FOXP1: variants seen among roughly 807,000 people sequenced by gnomAD.
The protein encoded by FOXP1 is forkhead box P1.
FOXP1 carries 15 observed loss-of-function variants against 98.2 expected under a neutral mutation model. That is an observed-to-expected ratio of 0.15 (90% confidence interval 0.10 to 0.24). The LOEUF (loss-of-function observed/expected upper bound fraction) is 0.24. FOXP1 is among the 10% of genes least tolerant of loss of function. The pLI is 1.00. For synonymous variants in FOXP1, 371 were observed against 314.5 expected, an observed-to-expected ratio of 1.18 and a Z score of -1.90; for missense variants, 633 against 848.5, an observed-to-expected ratio of 0.75 and a Z score of 3.15.
At chr3:71,569,988 G>A (rs549960006) in intron 2 of FOXP1, among the ~76,000 whole-genome samples, 1 of 152,200 alleles carries the variant, frequency 6.6e-6, no homozygotes, top group East Asian at 1.9e-4. Flanking sequence ...AGCCAGGATA[G>A]GATGGTCTGG....
intron 3 of FOXP1, among the ~76,000 whole-genome samples, chr3:71,449,475 CT>C (rs1211501956): frequency 1.3e-5 from 2 of 152,220 alleles, no homozygotes; most frequent in Non-Finnish European, 2.9e-5. Flanking sequence ...TACAACACAT[CT>C]TTCCTTTAAA....
chr3:71,121,043 CT>C (rs35487973), intron 6 of FOXP1, among the ~76,000 whole-genome samples: 84,217 of 144,422 alleles, frequency 0.58, 25,121 homozygotes, highest in Non-Finnish European at 0.66. Flanking sequence ...TTCTTTCTTT[CT>C]TTTTTTTTTT....
Position 70,956,031 on chromosome 3 carries a change from C to T in FOXP1, c.*3216G>A. The stretch of plus-strand genomic sequence containing the variant: ...AAATAAAATACATGTGCAGCATATT[C>T]TGCAATTCCGTTACATACAGTAGTT... On this transcript the variant is annotated 3_prime_UTR_variant, in exon 21 of 21. Coordinates refer to ENST00000649528, the MANE Select transcript of FOXP1 (RefSeq NM_001349338.3). 4.3e-6 allele frequency: 1 copy of T among 233,186 alleles called. No individual in the cohort carries two copies. Among genetic ancestry groups the T allele is most frequent in the African/African-American group, 2.2e-5 (1 of 45,448 alleles). The allele number at this position is 233,186 out of a possible 1,614,324, so 14.4% of individuals were successfully genotyped here.
chr3:71,396,973 T>TATATATATGTGTATATATATACAC (rs199588388), intron 3 of FOXP1, among the ~76,000 whole-genome samples: 1 of 27,382 alleles, frequency 3.7e-5, no homozygotes, highest in Non-Finnish European at 1.0e-4. Context: ...TGTGTGTATA[T>TATATATATGTGTATATATATACAC]ATATATATGT....
chr3:71,023,213 C>G (rs2045662684), intron 11 of FOXP1, among the ~76,000 whole-genome samples: 1 of 152,204 alleles, frequency 6.6e-6, no homozygotes, highest in Non-Finnish European at 1.5e-5. Context: ...TGACAAAAGA[C>G]TTCCATGTCT....
intron 11 of FOXP1, among the ~76,000 whole-genome samples, chr3:71,030,516 T>C (rs2046721469): frequency 6.6e-6 from 1 of 152,366 alleles, no homozygotes; most frequent in East Asian, 1.9e-4. Context: ...ATTTGTTTGT[T>C]CTATTTCCCT....
intron 5 of FOXP1, among the ~76,000 whole-genome samples, chr3:71,285,399 T>C (rs2072006570): frequency 6.6e-6 from 1 of 152,156 alleles, no homozygotes; most frequent in Admixed American, 6.5e-5. Context: ...ATACATATCT[T>C]CATCAAACAG....
At chr3:71,145,337 G>C (rs1254054226) in intron 6 of FOXP1, among the ~76,000 whole-genome samples, 2 of 152,090 alleles carry the variant, frequency 1.3e-5, no homozygotes, top group African/African-American at 4.8e-5. Flanking sequence ...AGGAGTTAGA[G>C]ACCAGCCTGG....
At chr3:71,513,880 G>A (rs139775434) in intron 2 of FOXP1, among the ~76,000 whole-genome samples, 58 of 152,262 alleles carry the variant, frequency 3.8e-4, no homozygotes, top group Non-Finnish European at 2.5e-4. Context: ...ACCTATCACC[G>A]TCACTCGCTG....
intron 3 of FOXP1, among the ~76,000 whole-genome samples, chr3:71,420,236 A>C (rs2083529758): frequency 6.6e-6 from 1 of 152,220 alleles, no homozygotes; most frequent in African/African-American, 2.4e-5. Context: ...AATTTACAGG[A>C]AAAATATTAG....
At chr3:71,552,486 G>T (rs530074949) in intron 2 of FOXP1, among the ~76,000 whole-genome samples, 3 of 151,558 alleles carry the variant, frequency 2.0e-5, no homozygotes, top group African/African-American at 7.2e-5. Flanking sequence ...ATACAGAAAA[G>T]ATAAATTTTT....
chr3:71,076,294 G>A (rs945349810), intron 7 of FOXP1, among the ~76,000 whole-genome samples: 7 of 152,062 alleles, frequency 4.6e-5, no homozygotes, highest in African/African-American at 1.7e-4. Context: ...CAACTAACTC[G>A]AAGGAAGAAA....
chr3:71,042,997 TA>T, intron 10 of FOXP1, among the ~76,000 whole-genome samples: 1 of 152,322 alleles, frequency 6.6e-6, no homozygotes, highest in African/African-American at 2.4e-5. Flanking sequence ...AGGATTTTTT[TA>T]TATTCACCGT....
At chr3:71,006,534 G>A (rs887102637) in intron 12 of FOXP1, among the ~76,000 whole-genome samples, 2 of 152,060 alleles carry the variant, frequency 1.3e-5, no homozygotes, top group African/African-American at 2.4e-5. Context: ...AAGGAAAATC[G>A]CTGTCTCAGA....
intron 4 of FOXP1, among the ~76,000 whole-genome samples, chr3:71,355,659 A>G (rs1044958752): frequency 2.6e-5 from 4 of 152,214 alleles, no homozygotes; most frequent in East Asian, 1.9e-4. Context: ...TCTTCAAGCC[A>G]CTATCTCCAC....
chr3:71,043,606 C>G (rs1157344401), intron 10 of FOXP1, among the ~76,000 whole-genome samples: 1 of 152,152 alleles, frequency 6.6e-6, no homozygotes, highest in East Asian at 1.9e-4. Context: ...TAAAACCACA[C>G]AAGTCAACAT....
At chr3:71,234,227 A>G (rs1456718647) in intron 5 of FOXP1, among the ~76,000 whole-genome samples, 1 of 152,210 alleles carries the variant, frequency 6.6e-6, no homozygotes, top group Admixed American at 6.5e-5. Flanking sequence ...GGATAACCAG[A>G]TTATTTGCCA....
At chr3:71,468,869 GA>G (rs769090100) in intron 3 of FOXP1, among the ~76,000 whole-genome samples, 2 of 152,174 alleles carry the variant, frequency 1.3e-5, no homozygotes, top group Non-Finnish European at 2.9e-5. Flanking sequence ...CTGAAGATCT[GA>G]AAGAGAAAAA....
chr3:71,222,766 T>C (rs1293755360), intron 5 of FOXP1, among the ~76,000 whole-genome samples: 2 of 152,210 alleles, frequency 1.3e-5, no homozygotes, highest in Non-Finnish European at 2.9e-5. Context: ...CCTCCACATA[T>C]ACTTCACCTT....
Sources: gnomAD v4.1 joint callset for allele counts (sites outside exome capture counted in the v4.1 genomes callset) on GRCh38, gnomAD v4.1.1 for gene constraint, MANE v1.5 for transcripts, NCBI Gene and HGNC (gene_info 2026-07-23, HGNC 2026-07-21) for gene names.